Variants in SERGEF observed in about 807,000 individuals in gnomAD.
SERGEF encodes the protein secretion regulating guanine nucleotide exchange factor.
In SERGEF, 51 loss-of-function variants were observed where a neutral mutation model predicts 50.0. The ratio of observed to expected loss-of-function variants is 1.02; its 90% CI spans 0.81 to 1.29. The LOEUF (loss-of-function observed/expected upper bound fraction) is 1.29. SERGEF is among the 50% of genes most tolerant of loss of function. The pLI is 0.00. For missense variants in SERGEF, 521 were observed against 557.0 expected, an observed-to-expected ratio of 0.94 and a Z score of 0.65; for synonymous variants, 205 against 212.4, an observed-to-expected ratio of 0.97 and a Z score of 0.30.
chr11:18,011,168 C>CACA (rs1291697819), intron 1 of SERGEF, among the ~76,000 whole-genome samples: 2 of 122,558 alleles, frequency 1.6e-5, no homozygotes, highest in Non-Finnish European at 3.6e-5. Context: ...ACACACACAC[C>CACA]CCTAACAAGG....
At chr11:18,003,954 C>T (rs1333071079) in intron 4 of SERGEF, among the ~76,000 whole-genome samples, 1 of 152,252 alleles carries the variant, frequency 6.6e-6, no homozygotes, top group East Asian at 1.9e-4. Context: ...ATGTGAATTA[C>T]AGCTCAATAA....
chr11:17,905,748 A>G (rs1239891907), intron 9 of SERGEF, among the ~76,000 whole-genome samples: 1 of 152,222 alleles, frequency 6.6e-6, no homozygotes, highest in East Asian at 1.9e-4. Context: ...TGGTTGTAAC[A>G]GCACTAGACT....
At chr11:17,966,892 C>A (rs1853136693) in intron 8 of SERGEF, among the ~76,000 whole-genome samples, 1 of 152,160 alleles carries the variant, frequency 6.6e-6, no homozygotes, top group South Asian at 2.1e-4. Context: ...CTGCTTTAGG[C>A]ACTATCATTA....
chr11:17,815,657 C>T (rs1236145402), intron 10 of SERGEF, among the ~76,000 whole-genome samples: 1 of 151,680 alleles, frequency 6.6e-6, no homozygotes, highest in African/African-American at 2.4e-5. Flanking sequence ...GGCTTGGTAG[C>T]TCACACCTGT....
intron 3 of SERGEF, among the ~76,000 whole-genome samples, chr11:18,004,990 T>A (rs1479870123): frequency 1.3e-5 from 2 of 152,212 alleles, no homozygotes; most frequent in African/African-American, 4.8e-5. Flanking sequence ...TCAGTCATTC[T>A]AGGCTGACAC....
At chr11:17,935,898 G>T (rs1354881160) in intron 9 of SERGEF, among the ~76,000 whole-genome samples, 1 of 152,164 alleles carries the variant, frequency 6.6e-6, no homozygotes, top group Admixed American at 6.6e-5. Context: ...GGGGAGATGG[G>T]GCAGCAGAGT....
intron 4 of SERGEF, among the ~76,000 whole-genome samples, chr11:18,001,436 G>A (rs896190349): frequency 5.3e-5 from 8 of 152,136 alleles, no homozygotes; most frequent in African/African-American, 1.9e-4. Flanking sequence ...ATCACTCCTG[G>A]GGGAAACCAG....
At chr11:17,943,895 C>A (rs145330917) in intron 9 of SERGEF, among the ~76,000 whole-genome samples, 1 of 152,026 alleles carries the variant, frequency 6.6e-6, no homozygotes, top group Non-Finnish European at 1.5e-5. Context: ...TAGCTTTGCT[C>A]GCTATATCCC....
At chr11:17,988,551 C>T in intron 8 of SERGEF, 46 bp downstream of exon 8, 1 of 1,594,626 alleles carries the variant, frequency 6.3e-7, no homozygotes, top group Middle Eastern at 1.9e-4. Context: ...AGACAGCTGT[C>T]CCCCAGCTGC....
chr11:17,914,506 A>G (rs899565471), intron 9 of SERGEF, among the ~76,000 whole-genome samples: 2 of 152,108 alleles, frequency 1.3e-5, no homozygotes, highest in African/African-American at 4.8e-5. Flanking sequence ...GCAGCCTCCA[A>G]ATCCTGGGCT....
chr11:17,956,820 T>C (rs1431195444), intron 9 of SERGEF, among the ~76,000 whole-genome samples: 2 of 152,184 alleles, frequency 1.3e-5, no homozygotes, highest in Admixed American at 1.3e-4. Flanking sequence ...ACACTGTTCC[T>C]GCACCTCCAG....
At chr11:17,953,157 G>A (rs1852802552) in intron 9 of SERGEF, among the ~76,000 whole-genome samples, 1 of 145,000 alleles carries the variant, frequency 6.9e-6, no homozygotes, top group African/African-American at 2.6e-5. Flanking sequence ...GGAAGGGACA[G>A]GATCAACATA....
intron 9 of SERGEF, among the ~76,000 whole-genome samples, chr11:17,945,348 T>C (rs961510492): frequency 6.6e-6 from 1 of 152,270 alleles, no homozygotes; most frequent in African/African-American, 2.4e-5. Flanking sequence ...GAAGAATCTA[T>C]GCTCTATTTA....
chr11:17,887,594 TG>T (rs2133907153), intron 9 of SERGEF, among the ~76,000 whole-genome samples: 1 of 152,354 alleles, frequency 6.6e-6, no homozygotes, highest in African/African-American at 2.4e-5. Context: ...GTGAAATAAC[TG>T]GAACTCTTAC....
intron 1 of SERGEF, chr11:18,010,113 T>G (rs1281666716): frequency 7.9e-7 from 1 of 1,259,960 alleles, no homozygotes; most frequent in African/African-American, 1.5e-5. Context: ...AGTAAAATCT[T>G]TTAAATATGT....
intron 9 of SERGEF, among the ~76,000 whole-genome samples, chr11:17,904,789 T>C (rs1199124631): frequency 6.6e-6 from 1 of 152,194 alleles, no homozygotes; most frequent in Non-Finnish European, 1.5e-5. Flanking sequence ...TAAAACCACC[T>C]TCTCTGACCC....
At chr11:17,898,901 G>C (rs1402458273) in intron 9 of SERGEF, among the ~76,000 whole-genome samples, 1 of 152,090 alleles carries the variant, frequency 6.6e-6, no homozygotes, top group Non-Finnish European at 1.5e-5. Context: ...TGGATCATAG[G>C]CGTGGCCCTT....
At chr11:17,920,006 G>A (rs995744286) in intron 9 of SERGEF, among the ~76,000 whole-genome samples, 2 of 150,476 alleles carry the variant, frequency 1.3e-5, no homozygotes, top group African/African-American at 4.9e-5. Flanking sequence ...CCAACACTTT[G>A]GGAGGCCAAG....
chr11:17,915,450 A>G (rs1270207908), intron 9 of SERGEF, among the ~76,000 whole-genome samples: 1 of 152,192 alleles, frequency 6.6e-6, no homozygotes, highest in Admixed American at 6.5e-5. Flanking sequence ...AGAAGAAATC[A>G]AAGGGAGAGG....
Sources: allele counts gnomAD v4.1 joint callset (sites outside exome capture counted in the v4.1 genomes callset), GRCh38; gene constraint gnomAD v4.1.1; transcripts MANE v1.5; gene names NCBI Gene and HGNC (gene_info 2026-07-23, HGNC 2026-07-21).